Variants in MUC5B observed in about 807,000 individuals in gnomAD.
The protein encoded by MUC5B is mucin 5B, oligomeric mucus/gel-forming.
Under a neutral mutation model 376.9 loss-of-function variants are expected in MUC5B, and 116 were observed. That is an observed-to-expected ratio of 0.31 (90% CI 0.26 to 0.36). The LOEUF is 0.36. MUC5B is among the 10% of genes least tolerant of loss of function. The pLI, the probability that MUC5B is intolerant of heterozygous loss-of-function variation, is 1.00. For missense variants in MUC5B, 7,165 were observed against 7,769.9 expected (o/e 0.92, Z 2.93); for synonymous variants, 3,517 against 3,390.9 (o/e 1.04, Z -1.29).
Position 1,257,690 on chromosome 11 carries a change from G to A in MUC5B, c.16430G>A (p.Cys5477Tyr). The A allele has an allele frequency of 6.4e-7, 1 of 1,563,860 alleles. No homozygotes were observed. The highest frequency in any genetic ancestry group is 8.6e-7 in the Non-Finnish European group (1 of 1,162,262). Reference sequence around the variant, plus strand: ...ACCAGGCCCCGGGCCGAGAACCCCTGCTGCCCCGAGACGGTGTGCGGTAAG... The same window carrying A: ...ACCAGGCCCCGGGCCGAGAACCCCTACTGCCCCGAGACGGTGTGCGGTAAG... Reference protein sequence around the residue: ...TVTRPRAENPCCPETVCVCNT... With the variant: ...TVTRPRAENPYCPETVCVCNT... The change falls in exon 41 of 49, where the codon TGC becomes TAC. Residue 5477 changes from cysteine to tyrosine, a missense_variant. By Grantham distance (194) the Cys-to-Tyr change is radical. Transcript: ENST00000529681. This position sits in a 1 kb window ranked among gnomAD's most constrained non-coding sequence, Gnocchi z 8.9.
chr11:1,235,869 C>T (rs1415845613), intron 23 of MUC5B, among the ~76,000 whole-genome samples: 1 of 152,022 alleles, frequency 6.6e-6, no homozygotes, highest in African/African-American at 2.4e-5. Context: ...TGCAGAGATG[C>T]TTTCTCCCAG....
rs987446476 is a variant in MUC5B, at chr11:1,261,926, C to T, written c.*318C>T. ...TGTGCGGGCCTATGTGTCCCTGCCA[C>T]GGCCGGAGCGCCCGCGCAGCACGGA... On this transcript the variant is annotated 3_prime_UTR_variant, in exon 49 of 49. Coordinates refer to ENST00000529681, the MANE Select transcript of MUC5B (RefSeq NM_002458.3). 2.5e-5 allele frequency: 14 copies of T among 568,328 alleles called. No homozygotes were observed. Among genetic ancestry groups the T allele is most frequent in the East Asian group, 2.3e-4 (6 of 26,484 alleles). 35.2% of individuals were successfully genotyped at this position (568,328 alleles called of 1,614,324 possible). A position where few individuals can be genotyped will look rare whatever the true frequency, so the allele number is the denominator to read the frequency against.
chr11:1,226,189 C>T lies in MUC5B; in HGVS notation c.128-16C>T. On this transcript the variant is annotated splice_polypyrimidine_tract_variant and intron_variant, in intron 2 of 48. Coordinates refer to ENST00000529681, the MANE Select transcript of MUC5B (RefSeq NM_002458.3). ...TTCCTGGCCACGTTCCTGGGGTGAC[C>T]AGCCTTCACCCACAGGTGCCCCGAC... is the stretch of plus-strand genomic sequence containing the variant. 1.3e-6 allele frequency: 2 copies of T among 1,546,106 alleles called. No individual in the cohort carries two copies. The highest frequency in any genetic ancestry group is 1.7e-6 in the Non-Finnish European group (2 of 1,146,362).
rs1389406360 is a variant in MUC5B at position 1,229,682 on chromosome 11, C to A, written c.1103-8C>A. ...TGGGCCGGCCCTGCCTCACGCCGCG[C>A]CCCACAGGCACGGTGCTGGATGACA... On this transcript the variant is annotated splice_region_variant and splice_polypyrimidine_tract_variant and intron_variant, in intron 9 of 48. Transcript: ENST00000529681. 1 of 1,559,218 alleles carries A rather than the reference C, an allele frequency of 6.4e-7. No homozygotes were observed. The highest frequency in any genetic ancestry group is 8.6e-7 in the Non-Finnish European group (1 of 1,157,796).
At position 1,241,311 on chromosome 11, in the gene MUC5B, G is replaced by T; in HGVS notation, c.4431G>T (p.Thr1477=). Residue 1477 remains threonine, a synonymous_variant, in exon 31 of 49, where the codon ACG becomes ACT. Transcript: ENST00000529681. Reference sequence around the variant, plus strand: ...GGGTGACCCCGAGCATCCGGTCGACGGCGGCCCTCACCTCGCAGACTGGGT... The same window carrying T: ...GGGTGACCCCGAGCATCCGGTCGACTGCGGCCCTCACCTCGCAGACTGGGT... The part of the protein sequence containing the change: ...TLWVTPSIRS[T]AALTSQTGSS... The T allele has an allele frequency of 6.2e-7, 1 of 1,605,896 alleles. No homozygotes were observed.
chr11:1,225,617 G>A, intron 1 of MUC5B, 64 bp from the exon 2 acceptor site: 3 of 1,471,940 alleles, frequency 2.0e-6, no homozygotes. Flanking sequence ...CCAGGTCCGT[G>A]GTTGGGTTCG....
rs764598061 is a variant in MUC5B, at chr11:1,236,509, G to T, written c.3004G>T (p.Val1002Leu). The change falls in exon 24 of 49, where the codon GTG becomes TTG. Residue 1002 changes from valine to leucine, a missense_variant. Physicochemically the swap from Val to Leu is conservative, Grantham distance 32. Coordinates refer to ENST00000529681, the MANE Select transcript of MUC5B (RefSeq NM_002458.3). ...GGTCATCGAGACCCACGGGATGGCC[G>T]TGTCCTGGGACCGGAAGACCAGCGT... ...FLVIETHGMA[V>L]SWDRKTSVFI... The T allele has an allele frequency of 6.2e-7, 1 of 1,613,086 alleles. No individual in the cohort carries two copies.
chr11:1,228,456 C>G (rs908087975), intron 7 of MUC5B, 108 bp from the exon 8 acceptor site: 4 of 1,120,364 alleles, frequency 3.6e-6, no homozygotes, highest in Non-Finnish European at 4.9e-6. Flanking sequence ...CAAGGAACCC[C>G]GACAGGGAGA....
rs1384504624 is a variant in MUC5B, at chr11:1,261,816, G to A, written c.*208G>A. 14 of 701,972 alleles carry A rather than the reference G, an allele frequency of 2.0e-5. No individual in the cohort carries two copies. Among genetic ancestry groups the A allele is most frequent in the Non-Finnish European group, 7.8e-6 (3 of 386,368 alleles). The allele number at this position is 701,972 out of a possible 1,614,324, so 43.5% of individuals were successfully genotyped here. ...ACCCCTTTCGGGAGGGCGCCACTCA[G>A]GAGTCCTACCCTGGGAGAGCCTGTG... On this transcript the variant is annotated 3_prime_UTR_variant, in exon 49 of 49. Transcript: ENST00000529681.
Position 1,246,596 on chromosome 11 carries a change from C to T in MUC5B, c.9716C>T (p.Ala3239Val). 1.2e-6 allele frequency: 2 copies of T among 1,613,268 alleles called. No individual in the cohort carries two copies. Among genetic ancestry groups the T allele is most frequent in the Admixed American group, 1.7e-5 (1 of 59,966 alleles). Residue 3239 changes from alanine to valine, a missense_variant, in exon 31 of 49, where the codon GCC (alanine) becomes GTC (valine). Physicochemically the swap from Ala to Val is moderately conservative, Grantham distance 64 (BLOSUM62 0). This residue lies in a region of MUC5B where 939 missense variants were observed against 770.6 expected (regional missense o/e 1.22). Coordinates refer to ENST00000529681, the MANE Select transcript of MUC5B (RefSeq NM_002458.3). Reference sequence around the variant, plus strand: ...ACACCCACAGCTACCAGCGTTACAGCCATCCCCTCTTCCTCCCTGGGCACC... The same window carrying T: ...ACACCCACAGCTACCAGCGTTACAGTCATCCCCTCTTCCTCCCTGGGCACC... ...ATTPTATSVT[A>V]IPSSSLGTAW...
rs1862311539 is a variant in MUC5B at position 1,242,447 on chromosome 11, C to T, written c.5567C>T (p.Thr1856Ile). The T allele has an allele frequency of 6.2e-7, 1 of 1,613,688 alleles. No homozygotes were observed. The highest frequency in any genetic ancestry group is 1.3e-5 in the African/African-American group (1 of 74,832). ...ACCTGCAGCCTGGAGACGGGGCTGA[C>T]CTGCAAGAACGAAGACCAGACAGGC... ...VLTCSLETGLTCKNEDQTGRF... is the reference protein window; with the variant it reads ...VLTCSLETGLICKNEDQTGRF... Residue 1856 changes from threonine (T) to isoleucine (I), a missense_variant, in exon 31 of 49, where the codon ACC becomes ATC. Thr to Ile is a moderately conservative substitution (Grantham distance 89). Around this residue, in one of 31 missense-constraint regions of MUC5B, gnomAD observed 897 missense variants for 779.6 expected, o/e 1.15. Transcript: ENST00000529681.
Position 1,232,993 on chromosome 11 carries a change from C to G in MUC5B, c.2066-20C>G, listed in dbSNP as rs755071671. ...GCTGCTCGGCCGCTGACCTGTCCCC[C>G]CTGGCCCCACCGACCACAGCCAAGT... On this transcript the variant is annotated intron_variant, in intron 17 of 48. Coordinates refer to ENST00000529681, the MANE Select transcript of MUC5B (RefSeq NM_002458.3). 3.8e-6 allele frequency: 6 copies of G among 1,560,582 alleles called. No homozygotes were observed. Among genetic ancestry groups the G allele is most frequent in the East Asian group, 2.3e-5 (1 of 42,684 alleles).
rs1480712823 is a variant in MUC5B, at chr11:1,225,586, GCT to G, written c.71-94_71-93del. On this transcript the variant is annotated intron_variant, in intron 1 of 48. Transcript: ENST00000529681. Reference sequence around the variant, plus strand: ...ACCGCCACCAAGGACCCCACATGCGGCTGCCGCACCAGGGATGTGGCCAGGTC... The same window carrying G: ...ACCGCCACCAAGGACCCCACATGCGGGCCGCACCAGGGATGTGGCCAGGTC... 4.5e-4 allele frequency: 521 copies of G among 1,156,940 alleles called. 5 individuals carry two copies. The East Asian group carries it at 0.013, about 30-fold the overall frequency. The allele number at this position is 1,156,940 out of a possible 1,614,324, so 71.7% of individuals were successfully genotyped here.
rs1332812200 is a variant in MUC5B at position 1,245,358 on chromosome 11, G to T, written c.8478G>T (p.Gly2826=). The T allele has an allele frequency of 1.3e-6, 2 of 1,587,714 alleles. No homozygotes were observed. Among genetic ancestry groups the T allele is most frequent in the Non-Finnish European group, 8.6e-7 (1 of 1,166,636 alleles). Residue 2826 remains glycine (G), a synonymous_variant, in exon 31 of 49, where the codon GGG becomes GGT. Transcript: ENST00000529681. Reference sequence around the variant, plus strand: ...CCACCGAGTCACCCCCTTCTCCAGGGACGACCACCCCGGGCCACACCAGGG... The same window carrying T: ...CCACCGAGTCACCCCCTTCTCCAGGTACGACCACCCCGGGCCACACCAGGG... ...SRTTESPPSP[G]TTTPGHTRAT...
rs1191597249 is a variant in MUC5B, at chr11:1,235,165, T to A, written c.2711T>A (p.Ile904Asn). ...TCVAYGDGHFITFDGDRYSFE... is the reference protein window; with the variant it reads ...TCVAYGDGHFNTFDGDRYSFE... ...GTGGCCTACGGGGATGGCCACTTCA[T>A]CACCTTTGATGGCGATCGCTACAGC... The change falls in exon 22 of 49, where the codon ATC becomes AAC. Residue 904 changes from isoleucine (I) to asparagine (N), a missense_variant. This residue lies in a region of MUC5B where 530 missense variants were observed against 604.0 expected (regional missense o/e 0.88). Transcript: ENST00000529681. 2 of 1,612,912 alleles carry A rather than the reference T, an allele frequency of 1.2e-6. No homozygotes were observed. The highest frequency in any genetic ancestry group is 2.7e-5 in the African/African-American group (2 of 74,904).
rs946186999 is a variant in MUC5B, at chr11:1,230,210, A to C, written c.1359+67A>C. On this transcript the variant is annotated intron_variant, in intron 11 of 48. Coordinates refer to ENST00000529681, the MANE Select transcript of MUC5B (RefSeq NM_002458.3). ...TGGGACCCTCATGCCACTTCCACCC[A>C]GGGGAGGCCCCCACGATGGTCATAG... 4 of 1,519,244 alleles carry C rather than the reference A, an allele frequency of 2.6e-6. No individual in the cohort carries two copies. The African/African-American group carries it at 5.5e-5, about 21-fold the overall frequency. The allele number at this position is 1,519,244 out of a possible 1,614,324, so 94.1% of individuals were successfully genotyped here. A position where few individuals can be genotyped will look rare whatever the true frequency, so the allele number is the denominator to read the frequency against.
Position 1,246,278 on chromosome 11 carries a change from G to A in MUC5B, c.9398G>A (p.Trp3133Ter), listed in dbSNP as rs1862463156. 1.2e-6 allele frequency: 2 copies of A among 1,609,938 alleles called. No individual in the cohort carries two copies. The highest frequency in any genetic ancestry group is 1.3e-5 in the African/African-American group (1 of 74,128). Residue 3133 changes from tryptophan to a stop codon, truncating the protein, a stop_gained, in exon 31 of 49, where the codon TGG (tryptophan) becomes TAG (stop). Transcript: ENST00000529681. LOFTEE classifies it high-confidence loss of function. ...CCCTCCTCCACTCCGGGGACGACCT[G>A]GATCCTCACAGAGCTGACCACAGCA... ...STPSSTPGTT[W>*]ILTELTTAAT...
Position 1,251,486 on chromosome 11 carries a change from C to G in MUC5B, c.14606C>G (p.Ser4869Cys), listed in dbSNP as rs1862693051. 1 of 1,613,440 alleles carries G rather than the reference C, an allele frequency of 6.2e-7. No individual in the cohort carries two copies. The highest frequency in any genetic ancestry group is 1.1e-5 in the South Asian group (1 of 91,074). Reference protein sequence around the residue: ...VPTGSTATASSTLGTAHTPKV... With the variant: ...VPTGSTATASCTLGTAHTPKV... ...ACCGGTTCCACGGCCACCGCCTCCT[C>G]CACTCTGGGAACAGCTCACACCCCC... Residue 4869 changes from serine (S) to cysteine (C), a missense_variant, in exon 31 of 49, where the codon TCC (serine) becomes TGC (cysteine). This residue lies in a region of MUC5B where 730 missense variants were observed against 592.7 expected (regional missense o/e 1.23). Transcript: ENST00000529681.
chr11:1,236,783 A>G (rs996254744), intron 24 of MUC5B, 142 bp from the exon 25 acceptor site: 1 of 1,163,608 alleles, frequency 8.6e-7, no homozygotes, highest in Non-Finnish European at 1.2e-6. Context: ...GTCTCCTACA[A>G]GTTCACCAGG....
Sources: gnomAD v4.1 joint callset for allele counts (sites outside exome capture counted in the v4.1 genomes callset) on GRCh38, gnomAD v4.1.1 for gene constraint, gnomAD v4.1.1 regional missense constraint, Gnocchi (gnomAD v3.1) non-coding constraint, MANE v1.5 for transcripts, NCBI Gene and HGNC (gene_info 2026-07-23, HGNC 2026-07-21) for gene names.